Variants in POLR2B observed in about 807,000 individuals in gnomAD.
POLR2B encodes the protein RNA polymerase II subunit B.
In POLR2B, 57 loss-of-function variants were observed where a neutral mutation model predicts 144.6. The observed-to-expected ratio is 0.39, with a 90% CI of 0.32 to 0.49. The LOEUF (loss-of-function observed/expected upper bound fraction) is 0.49, where lower values mean the gene tolerates loss of function less well. Ranked by LOEUF, POLR2B falls within the 20% of genes least tolerant of loss-of-function variation. POLR2B has a pLI of 0.83. For synonymous variants in POLR2B, 442 were observed against 469.8 expected (o/e 0.94, Z 0.77); for missense variants, 595 against 1,467.4 (o/e 0.41, Z 9.71).
rs190851928 is a variant in POLR2B, at chr4:57,018,405, C to T, written c.2323+677C>T. 1.4e-3 allele frequency among the ~76,000 whole-genome samples: 214 copies of T among 152,180 alleles called. 2 individuals carry two copies. The highest frequency in any genetic ancestry group is 2.1e-3 in the Non-Finnish European group (145 of 68,000). ...GATGGGTAAGATACCTTTTGAAATA[C>T]ACTTGATAGGACTTGATGACTGGTT... On this transcript the variant is annotated intron_variant, in intron 16 of 24. Coordinates refer to ENST00000314595, the MANE Select transcript of POLR2B (RefSeq NM_000938.3).
chr4:56,979,448 T>C (rs1041900576), intron 1 of POLR2B, among the ~76,000 whole-genome samples: 1 of 16,646 alleles, frequency 6.0e-5, no homozygotes, highest in African/African-American at 2.2e-4. Context: ...TATCGGGGGG[T>C]GGGGGTGGCG....
chr4:57,005,566 C>A, intron 8 of POLR2B, 34 bp from the exon 9 acceptor site: 1 of 1,528,766 alleles, frequency 6.5e-7, no homozygotes, highest in Non-Finnish European at 8.7e-7. Context: ...TAAGTGTTTT[C>A]CCTCTTTCTT....
chr4:57,010,571 T>G lies in POLR2B; in HGVS notation c.1548+67T>G. 5 of 1,493,696 alleles carry G rather than the reference T, an allele frequency of 3.3e-6. No individual in the cohort carries two copies. The South Asian group carries it at 5.0e-5, about 15-fold the overall frequency. The allele number at this position is 1,493,696 out of a possible 1,614,324, so 92.5% of individuals were successfully genotyped here. On this transcript the variant is annotated intron_variant, in intron 11 of 24. Coordinates refer to ENST00000314595, the MANE Select transcript of POLR2B (RefSeq NM_000938.3). ...GTAATTATGTAGGGCATAATTACTT[T>G]TAGAAATAGATGTTTGAAAAATTAT...
intron 13 of POLR2B, among the ~76,000 whole-genome samples, chr4:57,011,581 T>C (rs1723189817): frequency 6.6e-6 from 1 of 151,996 alleles, no homozygotes; most frequent in South Asian, 2.1e-4. Context: ...TCCCAGCACT[T>C]TGGGAGGCTA....
chr4:57,010,922 G>C (rs552711226), intron 12 of POLR2B, 35 bp downstream of exon 12: 24 of 1,598,590 alleles, frequency 1.5e-5, no homozygotes, highest in Non-Finnish European at 1.8e-5. Flanking sequence ...TTAAACTATA[G>C]TTAATCTTTA....
At chr4:56,999,235 T>C (rs1439791922) in intron 6 of POLR2B, among the ~76,000 whole-genome samples, 3 of 144,394 alleles carry the variant, frequency 2.1e-5, no homozygotes, top group Non-Finnish European at 4.5e-5. Flanking sequence ...TTTTTACCTC[T>C]CTTCTATTTC....
chr4:56,982,802 TG>T (rs1451054531), intron 1 of POLR2B, among the ~76,000 whole-genome samples: 7 of 152,166 alleles, frequency 4.6e-5, no homozygotes, highest in African/African-American at 1.7e-4. Context: ...CATCTGTGTT[TG>T]GTATCTATGG....
chr4:57,018,018 G>T (rs182485109), intron 16 of POLR2B, among the ~76,000 whole-genome samples: 1 of 152,264 alleles, frequency 6.6e-6, no homozygotes, highest in African/African-American at 2.4e-5. Flanking sequence ...AATTGATGAA[G>T]GGGTATTTGC....
Position 57,022,204 on chromosome 4 carries a change from C to A in POLR2B, c.2473C>A (p.Gln825Lys). ...KEQESKKGFD[Q>K]EEVFEKPTRE... ...ACAGGAGTCTAAAAAAGGATTTGAT[C>A]AAGAAGAAGTTTTTGAGAAGCCTAC... Residue 825 changes from glutamine to lysine, a missense_variant, in exon 18 of 25, where the codon CAA becomes AAA. This residue lies in a region of POLR2B where 75 missense variants were observed against 100.0 expected (regional missense o/e 0.75). Transcript: ENST00000314595. 6.2e-7 allele frequency: 1 copy of A among 1,612,502 alleles called. No individual in the cohort carries two copies. The highest frequency in any genetic ancestry group is 1.1e-5 in the South Asian group (1 of 90,958).
At chr4:57,004,350 ATC>A (rs1362154160) in intron 7 of POLR2B, among the ~76,000 whole-genome samples, 2 of 80,954 alleles carry the variant, frequency 2.5e-5, no homozygotes, top group Non-Finnish European at 4.6e-5. Flanking sequence ...TTCCCAGCAA[ATC>A]TTTTTTTTTT....
intron 18 of POLR2B, among the ~76,000 whole-genome samples, chr4:57,022,710 C>T (rs1010663121): frequency 1.3e-5 from 2 of 152,220 alleles, no homozygotes; most frequent in African/African-American, 2.4e-5. Context: ...TTTTGACAGA[C>T]ACTTAAAACC....
intron 23 of POLR2B, among the ~76,000 whole-genome samples, chr4:57,028,923 G>A (rs1010262006): frequency 2.6e-5 from 4 of 152,292 alleles, no homozygotes; most frequent in Admixed American, 1.3e-4. Flanking sequence ...GATTGATAGT[G>A]TCTCATAAGT....
At chr4:57,012,921 A>G (rs1027897983) in intron 13 of POLR2B, among the ~76,000 whole-genome samples, 3 of 151,864 alleles carry the variant, frequency 2.0e-5, no homozygotes, top group Non-Finnish European at 4.4e-5. Context: ...GCTCACTGCA[A>G]CGTCTGCCTC....
At chr4:57,007,916 G>A (rs1011848677) in intron 10 of POLR2B, among the ~76,000 whole-genome samples, 10 of 152,176 alleles carry the variant, frequency 6.6e-5, no homozygotes, top group Admixed American at 1.3e-4. Context: ...TTTGGCATTC[G>A]GACACCAATT....
At chr4:56,993,423 G>T (rs1000889662) in intron 3 of POLR2B, among the ~76,000 whole-genome samples, 1 of 152,198 alleles carries the variant, frequency 6.6e-6, no homozygotes, top group African/African-American at 2.4e-5. Flanking sequence ...AAGGAGTAGA[G>T]GATTGGCTTC....
chr4:57,002,478 CTTTA>C (rs770174287), intron 7 of POLR2B, among the ~76,000 whole-genome samples: 1 of 152,096 alleles, frequency 6.6e-6, no homozygotes, highest in South Asian at 2.1e-4. Flanking sequence ...CATAAAACTG[CTTTA>C]TTTTTTTTCT....
chr4:57,004,241 G>C (rs1025122566), intron 7 of POLR2B, among the ~76,000 whole-genome samples: 2 of 135,468 alleles, frequency 1.5e-5, no homozygotes, highest in African/African-American at 5.1e-5. Context: ...TGGCCAGGCT[G>C]GTCTTCACTA....
At chr4:56,990,199 TG>T (rs1722469985) in intron 2 of POLR2B, among the ~76,000 whole-genome samples, 1 of 152,158 alleles carries the variant, frequency 6.6e-6, no homozygotes, top group African/African-American at 2.4e-5. Context: ...TTCAAAGAGG[TG>T]GAATAAAATT....
chr4:57,007,434 C>A (rs1445030718), intron 10 of POLR2B, among the ~76,000 whole-genome samples: 1 of 151,612 alleles, frequency 6.6e-6, no homozygotes, highest in Admixed American at 6.6e-5. Flanking sequence ...AAAAAAAAAA[C>A]TTACTGGGGA....
Sources: gnomAD v4.1 joint callset for allele counts (sites outside exome capture counted in the v4.1 genomes callset) on GRCh38, gnomAD v4.1.1 for gene constraint, gnomAD v4.1.1 regional missense constraint, MANE v1.5 for transcripts, NCBI Gene and HGNC (gene_info 2026-07-23, HGNC 2026-07-21) for gene names.